Variants in HMSD observed in about 807,000 individuals in gnomAD.
HMSD encodes histocompatibility minor serpin domain containing.
In HMSD, 13 loss-of-function variants were observed where a neutral mutation model predicts 10.0. The observed-to-expected ratio is 1.31, with a 90% CI of 0.85 to 2.08. The LOEUF (loss-of-function observed/expected upper bound fraction) is 2.08, where lower values mean the gene tolerates loss of function less well. Ranked by LOEUF, HMSD falls within the 30% of genes most tolerant of loss-of-function variation. The pLI is 0.00. For missense variants in HMSD, 169 were observed against 166.3 expected (o/e 1.02, Z -0.09); for synonymous variants, 51 against 54.2 (o/e 0.94, Z 0.26).
downstream of HMSD, among the ~76,000 whole-genome samples, chr18:63,963,394 C>A (rs755953384): frequency 3.3e-5 from 5 of 151,550 alleles, no homozygotes; most frequent in African/African-American, 1.2e-4. Context: ...AGCCTCCCGA[C>A]CAATTTTTGT....
rs1020047442 is a variant in HMSD at position 63,961,779 on chromosome 18, A to C, written c.*1424A>C. 12 of 152,270 alleles carry C rather than the reference A, an allele frequency of 7.9e-5. No homozygotes were observed. The highest frequency in any genetic ancestry group is 1.5e-4 in the Non-Finnish European group (10 of 68,082). 9.4% of individuals were successfully genotyped at this position (152,270 alleles called of 1,614,324 possible). ...CAACTCTCCTGTGACCCCGCATGGC[A>C]TGTGGTGACCTCCCTCCCTGTGAGC... On this transcript the variant is annotated 3_prime_UTR_variant, in exon 4 of 4. Transcript: ENST00000408945.
chr18:63,962,641 A>G (rs969482860), downstream of HMSD, among the ~76,000 whole-genome samples: 1 of 152,174 alleles, frequency 6.6e-6, no homozygotes, highest in Non-Finnish European at 1.5e-5. Context: ...CACTCCTCCT[A>G]TGCTTCAATA....
intron 3 of HMSD, among the ~76,000 whole-genome samples, chr18:63,959,946 G>A (rs1490781546): frequency 6.6e-6 from 1 of 152,162 alleles, no homozygotes; most frequent in Non-Finnish European, 1.5e-5. Flanking sequence ...AAAATCACTT[G>A]ATATGCAGCC....
downstream of HMSD, among the ~76,000 whole-genome samples, chr18:63,963,780 T>A (rs1313306182): frequency 6.6e-6 from 1 of 152,214 alleles, no homozygotes; most frequent in Non-Finnish European, 1.5e-5. Flanking sequence ...CTGGATCCTG[T>A]AACAAGAACT....
At chr18:63,952,829 A>G (rs544355152) in intron 1 of HMSD, among the ~76,000 whole-genome samples, 2 of 152,328 alleles carry the variant, frequency 1.3e-5, no homozygotes, top group African/African-American at 2.4e-5. Context: ...CTCCATTTAT[A>G]AAAACATAAT....
At chr18:63,962,834 G>A (rs1203429084), downstream of HMSD, among the ~76,000 whole-genome samples, 1 of 152,160 alleles carries the variant, frequency 6.6e-6, no homozygotes, top group East Asian at 1.9e-4. Context: ...TTCCTTTCCT[G>A]AGCTGAAGCT....
chr18:63,957,932 G>A (rs961505181), intron 3 of HMSD, among the ~76,000 whole-genome samples: 5 of 152,098 alleles, frequency 3.3e-5, no homozygotes, highest in African/African-American at 1.2e-4. Flanking sequence ...TTGTCAAATA[G>A]TAACTTAAAA....
At chr18:63,949,421 G>A (rs2050317478) in intron 1 of HMSD, 21 bp downstream of exon 1, 1 of 152,442 alleles carries the variant, frequency 6.6e-6, no homozygotes. Context: ...GACTTTGGGA[G>A]TGGTTCCCAC....
chr18:63,949,952 G>A (rs1481146035), intron 1 of HMSD, among the ~76,000 whole-genome samples: 1 of 152,188 alleles, frequency 6.6e-6, no homozygotes, highest in African/African-American at 2.4e-5. Flanking sequence ...GGACGATACT[G>A]TTGCCAGAAA....
downstream of HMSD, among the ~76,000 whole-genome samples, chr18:63,963,561 C>G (rs748325068): frequency 5.9e-5 from 9 of 152,106 alleles, no homozygotes; most frequent in Non-Finnish European, 1.2e-4. Flanking sequence ...TGCTTGTGAC[C>G]AAGCATAAAA....
chr18:63,962,205 A>G (rs1424581078), downstream of HMSD, among the ~76,000 whole-genome samples: 2 of 152,248 alleles, frequency 1.3e-5, no homozygotes, highest in African/African-American at 4.8e-5. Flanking sequence ...GAAGTTAAGT[A>G]GCTTGAACAA....
intron 1 of HMSD, among the ~76,000 whole-genome samples, chr18:63,952,631 G>T (rs1291905626): frequency 6.6e-6 from 1 of 152,014 alleles, no homozygotes; most frequent in Non-Finnish European, 1.5e-5. Flanking sequence ...CTGTTGCTGG[G>T]TATTTAAATA....
chr18:63,962,191 C>T (rs1373504095), downstream of HMSD, among the ~76,000 whole-genome samples: 1 of 152,194 alleles, frequency 6.6e-6, no homozygotes, highest in Non-Finnish European at 1.5e-5. Context: ...GAATCTGAGA[C>T]TCAGAAGTTA....
chr18:63,956,436 C>G (rs1465323782), intron 3 of HMSD, among the ~76,000 whole-genome samples: 1 of 151,900 alleles, frequency 6.6e-6, no homozygotes, highest in Non-Finnish European at 1.5e-5. Context: ...TGGACAGACA[C>G]TTTTCAAAAG....
At chr18:63,963,116 T>C (rs2050395542), downstream of HMSD, among the ~76,000 whole-genome samples, 3 of 132,900 alleles carry the variant, frequency 2.3e-5, no homozygotes, top group South Asian at 6.9e-4. Context: ...TTTCTTTCTT[T>C]CTTTCTTTCT....
chr18:63,968,215 G>A (rs1453769445), intron 3 of HMSD: 3 of 152,080 alleles, frequency 2.0e-5, no homozygotes, highest in Non-Finnish European at 4.4e-5. Context: ...CGTCCTTAAC[G>A]CCTCACTGCA....
At chr18:63,964,089 C>G (rs760395937), downstream of HMSD, among the ~76,000 whole-genome samples, 2 of 152,240 alleles carry the variant, frequency 1.3e-5, no homozygotes, top group Non-Finnish European at 2.9e-5. Context: ...TATGGCTTCT[C>G]GTAAGCCAGC....
downstream of HMSD, among the ~76,000 whole-genome samples, chr18:63,965,963 G>A (rs551882046): frequency 2.3e-4 from 35 of 152,302 alleles, no homozygotes; most frequent in African/African-American, 8.2e-4. Context: ...CACATGCGAA[G>A]AGGGACCAAA....
chr18:63,950,217 C>G (rs1237025004), intron 1 of HMSD, among the ~76,000 whole-genome samples: 2 of 151,652 alleles, frequency 1.3e-5, no homozygotes, highest in Non-Finnish European at 2.9e-5. Flanking sequence ...GAGTTCGAGA[C>G]CCAGCCTGGC....
Sources: gnomAD v4.1 joint callset for allele counts (sites outside exome capture counted in the v4.1 genomes callset) on GRCh38, gnomAD v4.1.1 for gene constraint, MANE v1.5 for transcripts, NCBI Gene and HGNC (gene_info 2026-07-23, HGNC 2026-07-21) for gene names.